The following GATA4 variants were observed in gnomAD, a reference collection of about 807,000 sequenced individuals.
GATA4 encodes the protein transcription factor GATA-4.
GATA4 carries 7 observed loss-of-function variants against 37.9 expected under a neutral mutation model. The observed-to-expected ratio is 0.18, with a 90% confidence interval of 0.11 to 0.35. The LOEUF is 0.35. Ranked by LOEUF, GATA4 falls within the 10% of genes least tolerant of loss-of-function variation. The probability of loss-of-function intolerance (pLI) is 1.00; values close to 1 mark genes in which losing one functional copy is unlikely to be tolerated. For synonymous variants in GATA4, 372 were observed against 292.6 expected (o/e 1.27, Z -2.77); for missense variants, 647 against 653.0 (o/e 0.99, Z 0.10).
At chr8:11,682,340 G>T (rs954188597) in intron 1 of GATA4, among the ~76,000 whole-genome samples, 2 of 152,182 alleles carry the variant, frequency 1.3e-5, no homozygotes, top group Non-Finnish European at 2.9e-5. Flanking sequence ...CACTAGCTAA[G>T]ATTTTATTTG....
At chr8:11,717,502 G>A (rs115845273) in intron 2 of GATA4, among the ~76,000 whole-genome samples, 4 of 152,164 alleles carry the variant, frequency 2.6e-5, no homozygotes, top group Admixed American at 6.5e-5. Flanking sequence ...TCAGGTCCCC[G>A]TGGGTAGTAA....
intron 2 of GATA4, among the ~76,000 whole-genome samples, chr8:11,744,069 C>G (rs546719187): frequency 2.6e-5 from 4 of 152,274 alleles, no homozygotes; most frequent in Admixed American, 2.6e-4. Flanking sequence ...TCAGTTGGTT[C>G]CTGGCTTGCA....
chr8:11,724,536 C>T (rs958854241), intron 2 of GATA4, among the ~76,000 whole-genome samples: 7 of 152,196 alleles, frequency 4.6e-5, no homozygotes, highest in Non-Finnish European at 8.8e-5. Context: ...ACAATAGGAA[C>T]ACTTCACCAG....
intron 1 of GATA4, among the ~76,000 whole-genome samples, chr8:11,686,639 A>G (rs961250714): frequency 1.3e-5 from 2 of 152,198 alleles, no homozygotes; most frequent in East Asian, 1.9e-4. Flanking sequence ...AGTGGTAGGA[A>G]CTTTCCTGAA....
chr8:11,715,519 C>T (rs968198506), intron 2 of GATA4, among the ~76,000 whole-genome samples: 2 of 152,050 alleles, frequency 1.3e-5, no homozygotes, highest in Non-Finnish European at 2.9e-5. Flanking sequence ...GAGGCTGAGG[C>T]GGGCGGATCG....
At chr8:11,744,433 G>A (rs1801930922) in intron 2 of GATA4, among the ~76,000 whole-genome samples, 1 of 152,244 alleles carries the variant, frequency 6.6e-6, no homozygotes, top group Non-Finnish European at 1.5e-5. Context: ...GCCAGCACTG[G>A]GTGGGAGGGG....
chr8:11,706,206 A>G (rs909916785), intron 1 of GATA4, among the ~76,000 whole-genome samples: 1 of 152,256 alleles, frequency 6.6e-6, no homozygotes, highest in South Asian at 2.1e-4. Flanking sequence ...CCATGTGACT[A>G]TATAATACAA....
At chr8:11,696,821 T>A (rs1330431337) in intron 1 of GATA4, among the ~76,000 whole-genome samples, 1 of 152,196 alleles carries the variant, frequency 6.6e-6, no homozygotes, top group Admixed American at 6.5e-5. Context: ...CACAGGGTGA[T>A]TGAGAAACTG....
intron 6 of GATA4, 39 bp from the exon 7 acceptor site, chr8:11,758,254 C>T (rs756268167): frequency 1.8e-5 from 29 of 1,609,844 alleles, no homozygotes; most frequent in African/African-American, 1.1e-4. Context: ...CCCTCAGGAG[C>T]GTCTCCATGG....
At chr8:11,688,587 G>A (rs561113259), upstream of GATA4, among the ~76,000 whole-genome samples, 2 of 152,092 alleles carry the variant, frequency 1.3e-5, no homozygotes, top group Non-Finnish European at 2.9e-5. Flanking sequence ...GTGTGGGGAC[G>A]TTATGTGATG....
chr8:11,708,649 A>T lies in GATA4; in HGVS notation c.337A>T (p.Thr113Ser). 2 of 1,323,224 alleles carry T rather than the reference A, an allele frequency of 1.5e-6. No individual in the cohort carries two copies. Among genetic ancestry groups the T allele is most frequent in the South Asian group, 4.4e-5 (2 of 45,794 alleles). The allele number at this position is 1,323,224 out of a possible 1,614,324, so 82.0% of individuals were successfully genotyped here. ...GTCGCCGCGCTTCTCCTTCCCGGGGACCACCGGGTCCCTGGCGGCCGCCGC... is the reference window on the plus strand; with the variant it reads ...GTCGCCGCGCTTCTCCTTCCCGGGGTCCACCGGGTCCCTGGCGGCCGCCGC... ...PVSPRFSFPG[T>S]TGSLAAAAAA... The change falls in exon 2 of 7, where the codon ACC becomes TCC. Residue 113 changes from threonine to serine, a missense_variant. Thr to Ser is a moderately conservative substitution (Grantham distance 58, BLOSUM62 1). This residue lies in a region of GATA4 where 379 missense variants were observed against 334.5 expected (regional missense o/e 1.13). Coordinates refer to ENST00000532059, the MANE Select transcript of GATA4 (RefSeq NM_001308093.3). The surrounding 1 kb of genome is among the most constrained non-coding windows in gnomAD (Gnocchi z 6.7).
chr8:11,740,980 C>A (rs189117302), intron 2 of GATA4, among the ~76,000 whole-genome samples: 1 of 152,062 alleles, frequency 6.6e-6, no homozygotes, highest in Non-Finnish European at 1.5e-5. Context: ...GTGTTCCATC[C>A]GCTTCGGCCT....
Position 11,697,522 on chromosome 8 carries a change from G to A in GATA4, c.-728-2986G>A, listed in dbSNP as rs923548208. On this transcript the variant is annotated intron_variant, in intron 1 of 2. Coordinates refer to the GATA4 transcript ENST00000526974. The stretch of plus-strand genomic sequence containing the variant: ...GTGGGCACCTGCTGCAGTTGGGGAG[G>A]GAGAGGTGGTCGTGGAGGCCACTTT... The A allele has an allele frequency of 4.1e-6, 4 of 984,070 alleles. No homozygotes were observed. In the African/African-American group the frequency reaches 7.0e-5, roughly 17 times the overall value. 61.0% of individuals were successfully genotyped at this position (984,070 alleles called of 1,614,324 possible).
intron 2 of GATA4, among the ~76,000 whole-genome samples, chr8:11,716,424 T>C (rs903803706): frequency 6.6e-6 from 1 of 152,270 alleles, no homozygotes; most frequent in African/African-American, 2.4e-5. Context: ...CTTTTACAAT[T>C]TTGGGGGTTT....
chr8:11,697,830 C>G (rs549094061), intron 1 of GATA4: 1 of 985,330 alleles, frequency 1.0e-6, no homozygotes, highest in African/African-American at 1.7e-5. Context: ...TGGGGCGTTC[C>G]GGCCACCACG....
chr8:11,693,756 C>A (rs981684315), intron 1 of GATA4, among the ~76,000 whole-genome samples: 10 of 152,128 alleles, frequency 6.6e-5, no homozygotes, highest in African/African-American at 2.4e-5. Flanking sequence ...CTTGTGCCCT[C>A]CAAATGGGCA....
At chr8:11,752,611 G>A (rs1802358205) in intron 4 of GATA4, among the ~76,000 whole-genome samples, 1 of 152,188 alleles carries the variant, frequency 6.6e-6, no homozygotes, top group African/African-American at 2.4e-5. Flanking sequence ...TTTTGGTGGG[G>A]ACACAGCCAA....
intron 2 of GATA4, among the ~76,000 whole-genome samples, chr8:11,740,734 T>C: frequency 7.1e-6 from 1 of 141,452 alleles, no homozygotes. Context: ...CTTTGTTCCT[T>C]TTCCGTTTTT....
chr8:11,677,924 A>C (rs1029764724), intron 1 of GATA4, among the ~76,000 whole-genome samples: 1 of 151,992 alleles, frequency 6.6e-6, no homozygotes, highest in African/African-American at 2.4e-5. Flanking sequence ...TTTGCATACA[A>C]GTCGAAATTA....
Sources: gnomAD v4.1 joint callset for allele counts (sites outside exome capture counted in the v4.1 genomes callset) on GRCh38, gnomAD v4.1.1 for gene constraint, gnomAD v4.1.1 regional missense constraint, Gnocchi (gnomAD v3.1) non-coding constraint, MANE v1.5 for transcripts, NCBI Gene and HGNC (gene_info 2026-07-23, HGNC 2026-07-21) for gene names.